The following CHL1 variants were observed in gnomAD, a reference collection of about 807,000 sequenced individuals.
CHL1 encodes cell adhesion molecule L1 like.
In CHL1, 96 loss-of-function variants were observed where a neutral mutation model predicts 141.9. The ratio of observed to expected loss-of-function variants is 0.68; its 90% CI spans 0.57 to 0.80. CHL1 has a LOEUF of 0.80. CHL1 is among the 30% of genes least tolerant of loss of function. The pLI is 0.00. For missense variants in CHL1, 1,820 were observed against 1,457.2 expected (o/e 1.25, Z -4.05); for synonymous variants, 613 against 502.2 (o/e 1.22, Z -2.95).
In CHL1 at chr3:345,126, G is replaced by A. The variant is rs147808408; in HGVS notation, c.848+417G>A. ...CAGGCTCATAAAATTAGATCTCTCT[G>A]TCAATTTATGATATTGTGGATGGAG... On this transcript the variant is annotated intron_variant, in intron 9 of 27. Transcript: ENST00000256509. 8.5e-3 allele frequency among the ~76,000 whole-genome samples: 1,299 copies of A among 152,286 alleles called. 11 individuals carry two copies. The highest frequency in any genetic ancestry group is 0.014 in the Non-Finnish European group (949 of 68,010).
intron 15 of CHL1, among the ~76,000 whole-genome samples, chr3:375,974 G>A (rs1370050043): frequency 1.3e-5 from 2 of 152,302 alleles, no homozygotes; most frequent in South Asian, 4.2e-4. Context: ...ACTGGATACC[G>A]CAGATGAAGG....
At chr3:378,829 G>A (rs1385131472) in intron 16 of CHL1, among the ~76,000 whole-genome samples, 2 of 152,064 alleles carry the variant, frequency 1.3e-5, no homozygotes, top group African/African-American at 4.8e-5. Flanking sequence ...AATATTTCAA[G>A]TCTCTCTCAC....
chr3:212,569 C>T (rs1388765283), intron 1 of CHL1, among the ~76,000 whole-genome samples: 1 of 152,204 alleles, frequency 6.6e-6, no homozygotes, highest in Non-Finnish European at 1.5e-5. Context: ...CTAAAATCCC[C>T]TTTCTTGCTT....
At chr3:351,446 T>C (rs1308524376) in intron 10 of CHL1, among the ~76,000 whole-genome samples, 1 of 152,210 alleles carries the variant, frequency 6.6e-6, no homozygotes, top group Non-Finnish European at 1.5e-5. Context: ...TAAGAAGTCT[T>C]TACTTTTTTT....
Position 382,599 on chromosome 3 carries a change from G to T in CHL1, c.2104G>T (p.Val702Phe). 1 of 1,613,910 alleles carries T rather than the reference G, an allele frequency of 6.2e-7. No homozygotes were observed. The highest frequency in any genetic ancestry group is 8.5e-7 in the Non-Finnish European group (1 of 1,179,910). Reference sequence around the variant, plus strand: ...TCCATTTGTGAGATACCAGTTCAGGGTCATAGCCGTGAACGAAGTAGGGAG... The same window carrying T: ...TCCATTTGTGAGATACCAGTTCAGGTTCATAGCCGTGAACGAAGTAGGGAG... ...LAPFVRYQFRVIAVNEVGRSQ... is the reference protein window; with the variant it reads ...LAPFVRYQFRFIAVNEVGRSQ... Residue 702 changes from valine to phenylalanine, a missense_variant, in exon 18 of 28, where the codon GTC becomes TTC. Physicochemically the swap from Val to Phe is conservative, Grantham distance 50. Transcript: ENST00000256509.
Position 340,900 on chromosome 3 carries a change from T to C in CHL1, c.492T>C (p.Ile164=). The change falls in exon 6 of 28, where the codon ATT becomes ATC. Residue 164 remains isoleucine, a synonymous_variant. Transcript: ENST00000256509. The part of the protein sequence containing the change: ...NPPKGLPPLH[I]YWMNIELEHI... ...CCAAAGGCCTCCCACCTTTACACAT[T>C]TATTGGATGAATATTGGTAAGTAAT... The C allele has an allele frequency of 6.2e-7, 1 of 1,612,804 alleles. No homozygotes were observed. Among genetic ancestry groups the C allele is most frequent in the Non-Finnish European group, 8.5e-7 (1 of 1,179,156 alleles).
At chr3:389,919 T>C (rs193048522) in intron 20 of CHL1, among the ~76,000 whole-genome samples, 2 of 152,174 alleles carry the variant, frequency 1.3e-5, no homozygotes, top group African/African-American at 2.4e-5. Flanking sequence ...CAGATTTATA[T>C]GTAGAATTAT....
At chr3:237,800 GA>G (rs1193003294) in intron 1 of CHL1, among the ~76,000 whole-genome samples, 4 of 151,008 alleles carry the variant, frequency 2.6e-5, no homozygotes, top group Admixed American at 2.0e-4. Context: ...ACTGATATTA[GA>G]AAAAAATCAC....
At chr3:317,073 A>G (rs1031241241) in intron 2 of CHL1, among the ~76,000 whole-genome samples, 9 of 152,046 alleles carry the variant, frequency 5.9e-5, no homozygotes, top group Non-Finnish European at 1.2e-4. Context: ...ACGGGGTCAC[A>G]TTTAAACTTC....
At chr3:333,146 G>T (rs868172411) in intron 5 of CHL1, among the ~76,000 whole-genome samples, 119 of 9,002 alleles carry the variant, frequency 0.013, no homozygotes, top group Non-Finnish European at 0.04. Flanking sequence ...TTTTTTTTTT[G>T]CTGCTGCTGC....
rs368796474 is a variant in CHL1, at chr3:349,407, G to C, written c.897G>C (p.Lys299Asn). 13 of 1,613,904 alleles carry C rather than the reference G, an allele frequency of 8.1e-6. No homozygotes were observed. The highest frequency in any genetic ancestry group is 3.3e-5 in the Admixed American group (2 of 59,988). Residue 299 changes from lysine to asparagine, a missense_variant, in exon 10 of 28, where the codon AAG (lysine) becomes AAC (asparagine). By Grantham distance (94) the Lys-to-Asn change is moderately conservative (BLOSUM62 0). Coordinates refer to ENST00000256509, the MANE Select transcript of CHL1 (RefSeq NM_006614.4). ...ACAAAATTGGTGGTGACTTACCAAA[G>C]GGGAGAGAAACAAAAGAAAATTATG... ...DWNKIGGDLPKGRETKENYGK... is the reference protein window; with the variant it reads ...DWNKIGGDLPNGRETKENYGK...
At chr3:268,320 G>A (rs984749718) in intron 2 of CHL1, among the ~76,000 whole-genome samples, 1 of 152,012 alleles carries the variant, frequency 6.6e-6, no homozygotes, top group Admixed American at 6.6e-5. Context: ...GATTATTTGA[G>A]GTCACGAGTT....
intron 3 of CHL1, among the ~76,000 whole-genome samples, chr3:323,126 T>C (rs1052561322): frequency 1.3e-5 from 2 of 152,010 alleles, no homozygotes; most frequent in Non-Finnish European, 2.9e-5. Flanking sequence ...AAGTTATGAC[T>C]GACAAATTAT....
chr3:277,821 A>G (rs1036448395), intron 2 of CHL1, among the ~76,000 whole-genome samples: 3 of 152,256 alleles, frequency 2.0e-5, no homozygotes, highest in Non-Finnish European at 4.4e-5. Context: ...AAAGTTAGCC[A>G]GTGACACATT....
At chr3:222,837 A>G (rs924226575) in intron 1 of CHL1, among the ~76,000 whole-genome samples, 2 of 152,160 alleles carry the variant, frequency 1.3e-5, no homozygotes, top group African/African-American at 4.8e-5. Context: ...CAAAGTATTC[A>G]TTACTTCCAG....
At chr3:344,930 A>C (rs557144560) in intron 9 of CHL1, among the ~76,000 whole-genome samples, 1 of 152,320 alleles carries the variant, frequency 6.6e-6, no homozygotes, top group South Asian at 2.1e-4. Flanking sequence ...TGGAGGCTGC[A>C]GTGAGCTATG....
Position 389,469 on chromosome 3 carries a change from A to G in CHL1, c.2465A>G (p.Glu822Gly). Residue 822 changes from glutamate to glycine, a missense_variant, in exon 20 of 28, where the codon GAA (glutamate) becomes GGA (glycine). By Grantham distance (98) the Glu-to-Gly change is moderately conservative. Coordinates refer to ENST00000256509, the MANE Select transcript of CHL1 (RefSeq NM_006614.4). ...CAGTCAGTGACTCTCTATTCTGGAG[A>G]AGACTGTAAGTGATGCACCTAAAAC... ...DPQSVTLYSG[E>G]DYPDTAPVIH... is the part of the protein sequence containing the mutation. 1 of 1,612,930 alleles carries G rather than the reference A, an allele frequency of 6.2e-7. No homozygotes were observed. Among genetic ancestry groups the G allele is most frequent in the Non-Finnish European group, 8.5e-7 (1 of 1,178,974 alleles).
chr3:340,748 CAA>C (rs1319972164), intron 5 of CHL1, 44 bp from the exon 6 acceptor site: 4 of 1,466,262 alleles, frequency 2.7e-6, no homozygotes, highest in East Asian at 4.6e-5. Context: ...TTGTTATAGT[CAA>C]AGTTAATTTT....
intron 2 of CHL1, among the ~76,000 whole-genome samples, chr3:294,287 C>T (rs1338983286): frequency 1.3e-5 from 2 of 152,164 alleles, no homozygotes; most frequent in South Asian, 2.1e-4. Flanking sequence ...CCACTGCTCT[C>T]CAGTCTGGGT....
Sources: allele counts gnomAD v4.1 joint callset (sites outside exome capture counted in the v4.1 genomes callset), GRCh38; gene constraint gnomAD v4.1.1; transcripts MANE v1.5; gene names NCBI Gene and HGNC (gene_info 2026-07-23, HGNC 2026-07-21).